Variants in FGF14 observed in about 807,000 individuals in gnomAD.
The protein encoded by FGF14 is fibroblast growth factor homologous factor 4.
Under a neutral mutation model 25.5 loss-of-function variants are expected in FGF14, and 5 were observed. The ratio of observed to expected loss-of-function variants is 0.20; its 90% CI spans 0.10 to 0.41. The LOEUF (loss-of-function observed/expected upper bound fraction) is 0.41, where lower values mean the gene tolerates loss of function less well. Among genes scored for constraint, FGF14 ranks in the 10% least tolerant of loss-of-function variants. The probability of loss-of-function intolerance (pLI) is 1.00; values close to 1 mark genes in which losing one functional copy is unlikely to be tolerated. For synonymous variants in FGF14, 138 were observed against 118.3 expected (o/e 1.17, Z -1.08); for missense variants, 222 against 320.1 (o/e 0.69, Z 2.34).
intron 3 of FGF14, among the ~76,000 whole-genome samples, chr13:101,831,814 G>C (rs552659782): frequency 6.6e-6 from 1 of 152,070 alleles, no homozygotes; most frequent in Non-Finnish European, 1.5e-5. Flanking sequence ...AGGCACAACT[G>C]TTCTGTGCTA....
At chr13:102,279,546 T>C (rs933331007) in intron 1 of FGF14, among the ~76,000 whole-genome samples, 1 of 152,218 alleles carries the variant, frequency 6.6e-6, no homozygotes, top group African/African-American at 2.4e-5. Flanking sequence ...CCTCATTTTG[T>C]ATATTGTTGA....
intron 1 of FGF14, among the ~76,000 whole-genome samples, chr13:102,275,046 T>A (rs1014176381): frequency 1.3e-5 from 2 of 152,088 alleles, no homozygotes; most frequent in East Asian, 3.8e-4. Context: ...CACATCAGGA[T>A]TGTATTTTGC....
intron 1 of FGF14, among the ~76,000 whole-genome samples, chr13:101,991,653 C>T (rs1214603733): frequency 6.6e-6 from 1 of 152,054 alleles, no homozygotes; most frequent in Admixed American, 6.6e-5. Context: ...CAGGTGGGTA[C>T]AGAGAATCAC....
intron 1 of FGF14, among the ~76,000 whole-genome samples, chr13:101,878,800 T>C (rs2045539283): frequency 6.6e-6 from 1 of 152,042 alleles, no homozygotes; most frequent in Non-Finnish European, 1.5e-5. Flanking sequence ...TATAAAAGTG[T>C]GGAAATATTA....
At chr13:101,986,938 GCACACACACACA>G (rs3064731) in intron 1 of FGF14, among the ~76,000 whole-genome samples, 1 of 148,136 alleles carries the variant, frequency 6.8e-6, no homozygotes, top group African/African-American at 2.5e-5. Flanking sequence ...GTATGTGCAT[GCACACACACACA>G]CACACACACA....
intron 1 of FGF14, among the ~76,000 whole-genome samples, chr13:102,257,943 C>T (rs902487803): frequency 6.6e-6 from 1 of 152,126 alleles, no homozygotes; most frequent in African/African-American, 2.4e-5. Flanking sequence ...TCTCATGCTA[C>T]TGATGAAGAC....
chr13:101,830,294 A>T (rs2042605919), intron 3 of FGF14, among the ~76,000 whole-genome samples: 1 of 152,036 alleles, frequency 6.6e-6, no homozygotes, highest in South Asian at 2.1e-4. Context: ...AGGCAGTGAT[A>T]ATAGAGAAAT....
intron 3 of FGF14, among the ~76,000 whole-genome samples, chr13:101,850,687 AAT>A (rs1356182126): frequency 6.9e-6 from 1 of 145,308 alleles, no homozygotes; most frequent in Non-Finnish European, 1.5e-5. Context: ...ATATATATAG[AAT>A]ATATATAGAA....
intron 1 of FGF14, among the ~76,000 whole-genome samples, chr13:101,898,623 T>C (rs2031083964): frequency 6.6e-6 from 1 of 152,126 alleles, no homozygotes; most frequent in African/African-American, 2.4e-5. Context: ...TTGATAGTCT[T>C]TCTATATTTA....
chr13:102,131,469 C>T (rs2046192563), intron 1 of FGF14, among the ~76,000 whole-genome samples: 2 of 152,144 alleles, frequency 1.3e-5, no homozygotes, highest in South Asian at 2.1e-4. Flanking sequence ...CCTCCATGAT[C>T]CTCTCCCCTC....
intron 1 of FGF14, among the ~76,000 whole-genome samples, chr13:101,885,615 C>T (rs1258041789): frequency 6.6e-6 from 1 of 151,702 alleles, no homozygotes; most frequent in Non-Finnish European, 1.5e-5. Flanking sequence ...TATATTTTTA[C>T]ATTCATGCTT....
chr13:102,264,357 T>A (rs1420743090), intron 1 of FGF14, among the ~76,000 whole-genome samples: 1 of 152,178 alleles, frequency 6.6e-6, no homozygotes, highest in Non-Finnish European at 1.5e-5. Context: ...GCATCTACTA[T>A]TGACATGGAA....
At chr13:102,179,050 T>C (rs991652723) in intron 1 of FGF14, among the ~76,000 whole-genome samples, 3 of 152,014 alleles carry the variant, frequency 2.0e-5, no homozygotes, top group African/African-American at 7.2e-5. Context: ...CTAAAAGTAA[T>C]GTCAAGTGTC....
chr13:102,144,517 TTAATA>T (rs1424927057), intron 1 of FGF14, among the ~76,000 whole-genome samples: 8 of 151,956 alleles, frequency 5.3e-5, no homozygotes, highest in African/African-American at 1.2e-4. Flanking sequence ...AATTATTGAT[TTAATA>T]TAAGTGTGTT....
intron 1 of FGF14, among the ~76,000 whole-genome samples, chr13:102,128,846 G>A (rs2046059823): frequency 6.6e-6 from 1 of 152,188 alleles, no homozygotes. Context: ...ACTTTGGGAG[G>A]CTAAGGCAGG....
Position 101,916,510 on chromosome 13 carries a change from C to G in FGF14, c.136G>C (p.Asp46His). The G allele has an allele frequency of 1.2e-6, 2 of 1,613,934 alleles. No individual in the cohort carries two copies. Among genetic ancestry groups the G allele is most frequent in the Non-Finnish European group, 1.7e-6 (2 of 1,179,942 alleles). The change falls in exon 1 of 5, where the codon GAT becomes CAT. Residue 46 changes from aspartate (D) to histidine (H), a missense_variant. Physicochemically the swap from Asp to His is moderately conservative, Grantham distance 81. Coordinates refer to ENST00000376143, the MANE Select transcript of FGF14 (RefSeq NM_004115.4). ...AAGATGCGCACTTTGGAGAAGATAT[C>G]CACCAGGTTGCCGTTGCAGAGCCCG... ...NRGLCNGNLV[D>H]IFSKVRIFGL... is the part of the protein sequence containing the mutation.
chr13:102,361,070 TA>T lies in FGF14; in HGVS notation c.208+40400del, dbSNP rs368036695. ...CATGTTAAGATCTCCAGGTAAAAAT[TA>T]CTAAGCAAATGGTATCTCAGTGTCT... On this transcript the variant is annotated intron_variant, in intron 1 of 4. Coordinates refer to the FGF14 transcript ENST00000376131. Among the ~76,000 whole-genome samples, 107 of 152,304 alleles carry T rather than the reference TA, an allele frequency of 7.0e-4. 3 individuals are homozygous for T. In the East Asian group the frequency reaches 0.017, roughly 24 times the overall value.
At chr13:102,047,805 T>G (rs1302260187) in intron 1 of FGF14, among the ~76,000 whole-genome samples, 2 of 152,152 alleles carry the variant, frequency 1.3e-5, no homozygotes, top group Non-Finnish European at 2.9e-5. Context: ...GTTGTGCACA[T>G]GTACCCTAAA....
chr13:101,769,830 CAGA>C (rs1356881567), intron 3 of FGF14, among the ~76,000 whole-genome samples: 2 of 152,094 alleles, frequency 1.3e-5, no homozygotes, highest in Admixed American at 1.3e-4. Context: ...AGGCAGAGCA[CAGA>C]AGATTTTTAG....
Sources: allele counts gnomAD v4.1 joint callset (sites outside exome capture counted in the v4.1 genomes callset), GRCh38; gene constraint gnomAD v4.1.1; transcripts MANE v1.5; gene names NCBI Gene and HGNC (gene_info 2026-07-23, HGNC 2026-07-21).